CNTNAP2: variants seen among roughly 807,000 people sequenced by gnomAD.
CNTNAP2 encodes the protein contactin associated protein 2, also known as contactin-associated protein-like 2.
In CNTNAP2, 98 loss-of-function variants were observed where a neutral mutation model predicts 155.2. The observed-to-expected ratio is 0.63, with a 90% confidence interval of 0.54 to 0.75. CNTNAP2 has a LOEUF of 0.75. Among genes scored for constraint, CNTNAP2 ranks in the 30% least tolerant of loss-of-function variants. The probability of loss-of-function intolerance (pLI) is 0.00; values close to 1 mark genes in which losing one functional copy is unlikely to be tolerated. For synonymous variants in CNTNAP2, 651 were observed against 631.2 expected (o/e 1.03, Z -0.47); for missense variants, 1,727 against 1,688.1 (o/e 1.02, Z -0.40).
intron 1 of CNTNAP2, among the ~76,000 whole-genome samples, chr7:146,736,019 C>G (rs887746744): frequency 1.3e-5 from 2 of 151,996 alleles, no homozygotes; most frequent in African/African-American, 4.8e-5. Context: ...TTTGTACACC[C>G]TAAATGTGTA....
At chr7:146,754,068 T>C (rs1372837780) in intron 1 of CNTNAP2, among the ~76,000 whole-genome samples, 1 of 152,038 alleles carries the variant, frequency 6.6e-6, no homozygotes, top group Non-Finnish European at 1.5e-5. Context: ...ACATTGGCTT[T>C]CCTGCTTTCA....
At chr7:146,606,594 T>C (rs1328816565) in intron 1 of CNTNAP2, among the ~76,000 whole-genome samples, 4 of 152,194 alleles carry the variant, frequency 2.6e-5, no homozygotes, top group Non-Finnish European at 5.9e-5. Flanking sequence ...CTCTTTTGTA[T>C]GGTTATGTGG....
chr7:147,983,184 G>C (rs1326920844), intron 15 of CNTNAP2, among the ~76,000 whole-genome samples: 1 of 152,166 alleles, frequency 6.6e-6, no homozygotes. Flanking sequence ...ACTCTGTGCA[G>C]TGAATAGGGA....
chr7:147,578,643 A>G (rs186953309), intron 12 of CNTNAP2, among the ~76,000 whole-genome samples: 18 of 152,246 alleles, frequency 1.2e-4, no homozygotes, highest in African/African-American at 4.1e-4. Context: ...TGTTGCTTTA[A>G]ATGATATATT....
intron 12 of CNTNAP2, among the ~76,000 whole-genome samples, chr7:147,630,316 T>TAAAAAAAAAAAAAAAAAAAAAAAAACAAA (rs71183024): frequency 1.4e-5 from 1 of 73,078 alleles, no homozygotes; most frequent in African/African-American, 4.2e-5. Flanking sequence ...GAAACAGTAG[T>TAAAAAAAAAAAAAAAAAAAAAAAAACAAA]AAAAAAAAAA....
chr7:148,162,215 T>C (rs1805561040), intron 17 of CNTNAP2, among the ~76,000 whole-genome samples: 2 of 152,178 alleles, frequency 1.3e-5, no homozygotes, highest in Admixed American at 6.5e-5. Flanking sequence ...CTTATTTTAC[T>C]TCAAAGATGA....
chr7:146,872,059 G>A (rs1795320548), intron 3 of CNTNAP2, among the ~76,000 whole-genome samples: 1 of 151,662 alleles, frequency 6.6e-6, no homozygotes. Flanking sequence ...GAGAATGCTA[G>A]CTTATATTAA....
intron 13 of CNTNAP2, among the ~76,000 whole-genome samples, chr7:147,802,582 CG>C (rs1261463524): frequency 2.0e-5 from 3 of 152,134 alleles, no homozygotes; most frequent in Non-Finnish European, 2.9e-5. Context: ...GAGACCAGCC[CG>C]GCCAACACAG....
intron 1 of CNTNAP2, among the ~76,000 whole-genome samples, chr7:146,703,627 G>T (rs567939804): frequency 6.6e-6 from 1 of 152,078 alleles, no homozygotes; most frequent in Non-Finnish European, 1.5e-5. Context: ...CCTGGTGAGG[G>T]CTTGTTCCCT....
intron 3 of CNTNAP2, among the ~76,000 whole-genome samples, chr7:146,855,561 AAAAAAG>A (rs1456624630): frequency 1.3e-5 from 2 of 151,996 alleles, no homozygotes; most frequent in African/African-American, 4.8e-5. Flanking sequence ...TGTTTAGTGA[AAAAAAG>A]AAAAGTACAA....
At chr7:147,683,355 T>C (rs528893974) in intron 13 of CNTNAP2, among the ~76,000 whole-genome samples, 1 of 151,996 alleles carries the variant, frequency 6.6e-6, no homozygotes, top group Non-Finnish European at 1.5e-5. Context: ...TCTTTATACC[T>C]GTGTATTGCC....
chr7:148,277,797 A>G (rs1262829380), intron 21 of CNTNAP2, among the ~76,000 whole-genome samples: 1 of 147,188 alleles, frequency 6.8e-6, no homozygotes, highest in African/African-American at 2.5e-5. Flanking sequence ...GAAAAAAGAA[A>G]AAAAGAAAAA....
intron 13 of CNTNAP2, among the ~76,000 whole-genome samples, chr7:147,784,644 C>CTGAAGGTTTTCCAGTAAT (rs1395715044): frequency 2.0e-5 from 3 of 146,706 alleles, no homozygotes; most frequent in Non-Finnish European, 3.0e-5. Context: ...TGGGAAACCA[C>CTGAAGGTTTTCCAGTAAT]TGAAGGTTTT....
chr7:147,786,383 T>C (rs78369119), intron 13 of CNTNAP2, among the ~76,000 whole-genome samples: 8 of 151,962 alleles, frequency 5.3e-5, no homozygotes, highest in East Asian at 1.9e-4. Flanking sequence ...GTCTGGGAGG[T>C]TGGAGATGAC....
intron 15 of CNTNAP2, among the ~76,000 whole-genome samples, chr7:148,113,851 C>G (rs1341510265): frequency 6.6e-6 from 1 of 152,206 alleles, no homozygotes; most frequent in Non-Finnish European, 1.5e-5. Context: ...GGCTGGGTCT[C>G]CAGTCCCTCT....
chr7:146,375,883 T>C (rs929198902), intron 1 of CNTNAP2, among the ~76,000 whole-genome samples: 2 of 152,172 alleles, frequency 1.3e-5, no homozygotes, highest in Non-Finnish European at 2.9e-5. Flanking sequence ...CCTTCATCAC[T>C]GTATGCCAGA....
intron 8 of CNTNAP2, among the ~76,000 whole-genome samples, chr7:147,204,964 T>C (rs1200442820): frequency 6.6e-6 from 1 of 152,142 alleles, no homozygotes; most frequent in Non-Finnish European, 1.5e-5. Flanking sequence ...ATCTGGGTGC[T>C]CTATTCTGTT....
intron 22 of CNTNAP2, among the ~76,000 whole-genome samples, chr7:148,386,546 A>C (rs922541982): frequency 6.6e-6 from 1 of 152,178 alleles, no homozygotes; most frequent in Non-Finnish European, 1.5e-5. Context: ...TTTACAAACT[A>C]TAAGGCAGAG....
At chr7:146,803,844 C>T (rs1802922981) in intron 2 of CNTNAP2, among the ~76,000 whole-genome samples, 2 of 152,118 alleles carry the variant, frequency 1.3e-5, no homozygotes, top group Admixed American at 1.3e-4. Flanking sequence ...TCAAATAATG[C>T]TGGAAAGCAG....
Sources: gnomAD v4.1 joint callset for allele counts (sites outside exome capture counted in the v4.1 genomes callset) on GRCh38, gnomAD v4.1.1 for gene constraint, MANE v1.5 for transcripts, NCBI Gene and HGNC (gene_info 2026-07-23, HGNC 2026-07-21) for gene names.